Variants in LCORL observed in about 807,000 individuals in gnomAD.
LCORL encodes the protein ligand-dependent nuclear receptor corepressor-like protein.
In LCORL, 41 loss-of-function variants were observed where a neutral mutation model predicts 141.8. That is an observed-to-expected ratio of 0.29 (90% CI 0.23 to 0.38). The LOEUF (loss-of-function observed/expected upper bound fraction) is 0.38. LCORL is among the 10% of genes least tolerant of loss of function. The pLI, the probability that LCORL is intolerant of heterozygous loss-of-function variation, is 1.00. For missense variants in LCORL, 1,759 were observed against 2,035.0 expected, an observed-to-expected ratio of 0.86 and a Z score of 2.61; for synonymous variants, 618 against 694.1, an observed-to-expected ratio of 0.89 and a Z score of 1.72.
chr4:17,927,865 C>T (rs1178356955), intron 4 of LCORL, among the ~76,000 whole-genome samples: 3 of 152,090 alleles, frequency 2.0e-5, no homozygotes, highest in African/African-American at 7.2e-5. Context: ...GAAGCGAGCA[C>T]GTTATAAGGA....
At chr4:17,971,230 G>A (rs1056536564) in intron 2 of LCORL, among the ~76,000 whole-genome samples, 1 of 151,870 alleles carries the variant, frequency 6.6e-6, no homozygotes, top group East Asian at 1.9e-4. Context: ...AAACATTTTG[G>A]TGTCTTTTCT....
intron 5 of LCORL, among the ~76,000 whole-genome samples, chr4:17,891,884 C>T (rs1312565496): frequency 6.6e-6 from 1 of 152,152 alleles, no homozygotes; most frequent in Non-Finnish European, 1.5e-5. Flanking sequence ...TGTGCATGCA[C>T]ATACCTAGGT....
intron 6 of LCORL, chr4:17,881,668 T>C: frequency 2.1e-6 from 2 of 953,120 alleles, no homozygotes; most frequent in African/African-American, 3.5e-5. Context: ...AGTTTCCCTT[T>C]ACTATAAACT....
intron 6 of LCORL, chr4:17,881,052 A>T: frequency 1.0e-6 from 1 of 979,492 alleles, no homozygotes; most frequent in Non-Finnish European, 1.2e-6. Context: ...CACTAAAGTT[A>T]GTATACAATT....
intron 1 of LCORL, among the ~76,000 whole-genome samples, chr4:17,981,567 ATCTC>A (rs1041892750): frequency 2.6e-5 from 4 of 151,886 alleles, no homozygotes; most frequent in Admixed American, 6.6e-5. Flanking sequence ...GTGAAATCTC[ATCTC>A]TCTCTCTATA....
intron 4 of LCORL, among the ~76,000 whole-genome samples, chr4:17,926,592 T>G (rs1263315527): frequency 6.6e-6 from 1 of 152,202 alleles, no homozygotes; most frequent in Non-Finnish European, 1.5e-5. Context: ...TTCCCTACTT[T>G]TGAGGTTCTG....
intron 4 of LCORL, among the ~76,000 whole-genome samples, chr4:17,953,420 T>A (rs1711872607): frequency 6.6e-6 from 1 of 152,154 alleles, no homozygotes; most frequent in Non-Finnish European, 1.5e-5. Context: ...TCCCCTCAAA[T>A]TTAAACATTT....
At chr4:17,848,610 A>G (rs1723213295) in intron 7 of LCORL, among the ~76,000 whole-genome samples, 1 of 152,252 alleles carries the variant, frequency 6.6e-6, no homozygotes, top group Non-Finnish European at 1.5e-5. Context: ...GACGCAGAAG[A>G]CGAGTGATTT....
chr4:17,851,185 G>A (rs1000615129), intron 7 of LCORL, among the ~76,000 whole-genome samples: 2 of 150,368 alleles, frequency 1.3e-5, no homozygotes, highest in African/African-American at 4.9e-5. Context: ...GCTAAATGAC[G>A]AGTTAATGGG....
chr4:17,947,634 T>C (rs767627816), intron 4 of LCORL, among the ~76,000 whole-genome samples: 15 of 151,966 alleles, frequency 9.9e-5, no homozygotes, highest in Admixed American at 3.3e-4. Context: ...TTCCAAGTTG[T>C]GTCCATAGAT....
intron 4 of LCORL, among the ~76,000 whole-genome samples, chr4:17,910,495 A>G (rs572901019): frequency 1.3e-5 from 2 of 152,308 alleles, no homozygotes; most frequent in South Asian, 4.1e-4. Flanking sequence ...TTATATGAAT[A>G]GGCTTTCTCT....
intron 4 of LCORL, among the ~76,000 whole-genome samples, chr4:17,957,489 G>C (rs932224088): frequency 1.3e-5 from 2 of 151,924 alleles, no homozygotes; most frequent in African/African-American, 4.8e-5. Flanking sequence ...AAAGAATTTG[G>C]GTGATTGTAA....
At chr4:17,996,491 C>T (rs542198576) in intron 1 of LCORL, among the ~76,000 whole-genome samples, 29 of 152,038 alleles carry the variant, frequency 1.9e-4, no homozygotes, top group African/African-American at 6.7e-4. Context: ...AGAAAACAGA[C>T]TATGAATACT....
intron 5 of LCORL, among the ~76,000 whole-genome samples, chr4:17,892,004 G>A (rs922343668): frequency 6.6e-6 from 1 of 151,938 alleles, no homozygotes; most frequent in East Asian, 1.9e-4. Flanking sequence ...AAGTGTAAAA[G>A]CATTCCCTGG....
At chr4:18,013,297 T>TTA (rs2073506914) in intron 1 of LCORL, among the ~76,000 whole-genome samples, 2 of 152,236 alleles carry the variant, frequency 1.3e-5, no homozygotes, top group South Asian at 2.1e-4. Context: ...CACCTACTAG[T>TTA]TATACTATCT....
chr4:17,957,251 G>C (rs932125199), intron 4 of LCORL, among the ~76,000 whole-genome samples: 1 of 151,956 alleles, frequency 6.6e-6, no homozygotes, highest in South Asian at 2.1e-4. Flanking sequence ...AGAAGGTTAC[G>C]GTTTTGATCA....
chr4:17,970,777 T>C (rs909830012), intron 2 of LCORL, among the ~76,000 whole-genome samples: 2 of 152,204 alleles, frequency 1.3e-5, no homozygotes, highest in African/African-American at 4.8e-5. Context: ...ACTGAAAACA[T>C]GCTATGTTCC....
chr4:17,857,462 A>G (rs1724497140), intron 7 of LCORL, among the ~76,000 whole-genome samples: 1 of 152,192 alleles, frequency 6.6e-6, no homozygotes, highest in South Asian at 2.1e-4. Context: ...GCATTTGGTA[A>G]AGTCCGCAGG....
At chr4:17,877,608 A>G (rs1469152131) in exon 7 of LCORL, 2 of 1,230,546 alleles carry the variant, frequency 1.6e-6, no homozygotes, top group East Asian at 3.2e-5. Flanking sequence ...TAAGGCTGAA[A>G]TCTCTGAGAT....
Sources: gnomAD v4.1 joint callset for allele counts (sites outside exome capture counted in the v4.1 genomes callset) on GRCh38, gnomAD v4.1.1 for gene constraint, MANE v1.5 for transcripts, NCBI Gene and HGNC (gene_info 2026-07-23, HGNC 2026-07-21) for gene names.